The following GPHN variants were observed in gnomAD, a reference collection of about 807,000 sequenced individuals.
GPHN encodes gephyrin.
A neutral mutation model predicts 95.5 loss-of-function variants in GPHN; 17 were observed. That is an observed-to-expected ratio of 0.18 (90% CI 0.12 to 0.27). The LOEUF is 0.27. Ranked by LOEUF, GPHN falls within the 10% of genes least tolerant of loss-of-function variation. The pLI is 1.00. For synonymous variants in GPHN, 320 were observed against 322.5 expected (o/e 0.99, Z 0.08); for missense variants, 660 against 978.1 (o/e 0.67, Z 4.34).
At chr14:67,362,253 C>G in the GPHN span, among the ~76,000 whole-genome samples, 4 of 152,076 alleles carry the variant, frequency 2.6e-5, no homozygotes, top group Admixed American at 1.3e-4. Context: ...CTCCTGGTTT[C>G]AAGTGATCCA....
chr14:67,252,179 T>G, the GPHN span, among the ~76,000 whole-genome samples: 1 of 152,046 alleles, frequency 6.6e-6, no homozygotes, highest in East Asian at 1.9e-4. Flanking sequence ...AGCAAATTAT[T>G]TTTATTTATT....
In GPHN at chr14:66,592,402, CATCT is replaced by C. The variant is rs370183245; in HGVS notation, c.64+83812_64+83815del. Among the ~76,000 whole-genome samples, 547 of 151,348 alleles carry C rather than the reference CATCT, an allele frequency of 3.6e-3. 10 individuals carry two copies. Among genetic ancestry groups the C allele is most frequent in the African/African-American group, 0.013 (521 of 41,286 alleles). ...TGGGAGAAAATTTTTGCAATCCATCCATCTGACAAAGGGCCAATATCCAGAATCT... is the reference window on the plus strand; with the variant it reads ...TGGGAGAAAATTTTTGCAATCCATCCGACAAAGGGCCAATATCCAGAATCT... On this transcript the variant is annotated intron_variant, in intron 1 of 22. Coordinates refer to ENST00000478722, the MANE Select transcript of GPHN (RefSeq NM_020806.5).
chr14:67,685,277 T>G, the GPHN span: 2 of 1,258,870 alleles, frequency 1.6e-6, no homozygotes, highest in Non-Finnish European at 2.2e-6. Context: ...CAGAAAAGGA[T>G]GTAAATAAGC....
At chr14:67,579,544 A>C in the GPHN span, 4 of 669,126 alleles carry the variant, frequency 6.0e-6, no homozygotes. Flanking sequence ...TTTACAGTGG[A>C]TAAGCTCACA....
chr14:67,236,584 A>G, the GPHN span, among the ~76,000 whole-genome samples: 1 of 152,354 alleles, frequency 6.6e-6, no homozygotes, highest in African/African-American at 2.4e-5. Context: ...ACTAACCTGT[A>G]CTGAATTACA....
At chr14:66,517,152 AGAAG>A (rs994926656) in intron 1 of GPHN, among the ~76,000 whole-genome samples, 1 of 145,842 alleles carries the variant, frequency 6.9e-6, no homozygotes, top group Non-Finnish European at 1.5e-5. Flanking sequence ...AAAAAAAAAA[AGAAG>A]AAACTGAATA....
Position 66,824,675 on chromosome 14 carries a change from T to A in GPHN, c.294+109T>A, listed in dbSNP as rs968234696. On this transcript the variant is annotated intron_variant, in intron 4 of 22. Transcript: ENST00000478722. The stretch of plus-strand genomic sequence containing the variant: ...TTATAACTTTGCTAGGCATAACAAA[T>A]GACTTGTAGTTCTAATAATGTGAAA... 5 of 628,884 alleles carry A rather than the reference T, an allele frequency of 8.0e-6. No homozygotes were observed. In the Middle Eastern group the frequency reaches 1.2e-3, roughly 153 times the overall value. The allele number at this position is 628,884 out of a possible 1,614,324, so 39.0% of individuals were successfully genotyped here.
chr14:66,710,757 G>A (rs2069541305), intron 2 of GPHN, among the ~76,000 whole-genome samples: 1 of 152,104 alleles, frequency 6.6e-6, no homozygotes, highest in African/African-American at 2.4e-5. Flanking sequence ...ACTAAATAGG[G>A]CTTTTTAACC....
chr14:67,592,295 C>A, the GPHN span: 1 of 418,254 alleles, frequency 2.4e-6, no homozygotes, highest in South Asian at 1.9e-5. Flanking sequence ...AAAAAATTAG[C>A]CAGGCGAGAT....
chr14:66,589,636 C>G (rs539562136), intron 1 of GPHN, among the ~76,000 whole-genome samples: 1 of 152,168 alleles, frequency 6.6e-6, no homozygotes, highest in South Asian at 2.1e-4. Context: ...GCTAACTATC[C>G]TAAATACATA....
chr14:67,246,929 C>T, the GPHN span, among the ~76,000 whole-genome samples: 2 of 152,142 alleles, frequency 1.3e-5, no homozygotes, highest in Non-Finnish European at 1.5e-5. Flanking sequence ...GGATTACAGG[C>T]GTGAGCCACT....
intron 1 of GPHN, among the ~76,000 whole-genome samples, chr14:66,511,566 A>G (rs1054486670): frequency 2.0e-5 from 3 of 152,038 alleles, no homozygotes; most frequent in African/African-American, 7.2e-5. Context: ...ACGTTGTGAC[A>G]TTTTTTATTA....
chr14:67,056,912 C>G (rs550833922), intron 10 of GPHN, among the ~76,000 whole-genome samples: 1 of 152,180 alleles, frequency 6.6e-6, no homozygotes, highest in Non-Finnish European at 1.5e-5. Flanking sequence ...GCTCGCGGGT[C>G]GGCAATGCTG....
At chr14:67,095,896 T>C (rs1217305546) in intron 12 of GPHN, among the ~76,000 whole-genome samples, 1 of 147,832 alleles carries the variant, frequency 6.8e-6, no homozygotes, top group Non-Finnish European at 1.5e-5. Flanking sequence ...AACCGGCACA[T>C]TGTGCACATG....
chr14:67,691,824 G>A, the GPHN span: 2 of 153,528 alleles, frequency 1.3e-5, no homozygotes, highest in South Asian at 4.1e-4. Flanking sequence ...AGACACTACA[G>A]GTTTTTACGT....
At chr14:67,345,928 A>G in the GPHN span, 3 of 1,107,328 alleles carry the variant, frequency 2.7e-6, no homozygotes, top group Non-Finnish European at 4.1e-6. Context: ...TCCCTATAAA[A>G]TTCCCCAAAA....
the GPHN span, chr14:67,198,086 A>G: frequency 6.6e-7 from 1 of 1,521,684 alleles, no homozygotes; most frequent in Non-Finnish European, 8.8e-7. Context: ...CAACTTAATT[A>G]TGATATTAAA....
chr14:67,552,460 T>A, the GPHN span, among the ~76,000 whole-genome samples: 2 of 152,222 alleles, frequency 1.3e-5, no homozygotes, highest in Non-Finnish European at 2.9e-5. Context: ...GTGTCAAGTG[T>A]CCTTGCAGGG....
At chr14:66,992,096 C>G (rs1396553752) in intron 9 of GPHN, among the ~76,000 whole-genome samples, 1 of 151,960 alleles carries the variant, frequency 6.6e-6, no homozygotes, top group African/African-American at 2.4e-5. Flanking sequence ...AATGAAAATA[C>G]TCATATGCCA....
Sources: allele counts gnomAD v4.1 joint callset (sites outside exome capture counted in the v4.1 genomes callset), GRCh38; gene constraint gnomAD v4.1.1; transcripts MANE v1.5; gene names NCBI Gene and HGNC (gene_info 2026-07-23, HGNC 2026-07-21).